AKAP7: variants seen among roughly 807,000 people sequenced by gnomAD.
AKAP7 encodes the protein A kinase (PRKA) anchor protein 7.
In AKAP7, 39 loss-of-function variants were observed where a neutral mutation model predicts 39.5. The ratio of observed to expected loss-of-function variants is 0.99; its 90% CI spans 0.76 to 1.29. AKAP7 has a LOEUF of 1.29. Ranked by LOEUF, AKAP7 falls within the 50% of genes most tolerant of loss-of-function variation. The pLI, the probability that AKAP7 is intolerant of heterozygous loss-of-function variation, is 0.00. For synonymous variants in AKAP7, 140 were observed against 139.1 expected, an observed-to-expected ratio of 1.01 and a Z score of -0.05; for missense variants, 414 against 407.7, an observed-to-expected ratio of 1.02 and a Z score of -0.13.
At chr6:131,195,720 C>T (rs1363021148) in intron 5 of AKAP7, among the ~76,000 whole-genome samples, 2 of 152,060 alleles carry the variant, frequency 1.3e-5, no homozygotes, top group African/African-American at 2.4e-5. Context: ...ATATACTATG[C>T]TAGGGTAAAA....
At chr6:131,225,225 G>T (rs1484911849) in intron 7 of AKAP7, among the ~76,000 whole-genome samples, 1 of 152,040 alleles carries the variant, frequency 6.6e-6, no homozygotes, top group Non-Finnish European at 1.5e-5. Flanking sequence ...GTCTTCTGTG[G>T]CCCTCAATTT....
At chr6:131,222,101 T>C (rs780576184) in intron 7 of AKAP7, among the ~76,000 whole-genome samples, 7 of 152,250 alleles carry the variant, frequency 4.6e-5, no homozygotes, top group Non-Finnish European at 1.0e-4. Flanking sequence ...AGAACACTTA[T>C]GACTCATGGG....
chr6:131,167,764 G>C (rs1200797470), intron 4 of AKAP7, among the ~76,000 whole-genome samples: 7 of 152,096 alleles, frequency 4.6e-5, no homozygotes, highest in African/African-American at 1.7e-4. Flanking sequence ...ATTTTTCAGA[G>C]AAATGAGACT....
At position 131,165,092 on chromosome 6, in the gene AKAP7, A is replaced by T; in HGVS notation, c.303A>T (p.Gly101=). Residue 101 remains glycine, a synonymous_variant, in exon 4 of 8, where the codon GGA becomes GGT. Coordinates refer to ENST00000431975, the MANE Select transcript of AKAP7 (RefSeq NM_016377.4). Reference sequence around the variant, plus strand: ...GTATGTGTTATTAGATTATAAAAGGAATTAAGATCCTGCAGAATGCAATAA... The same window carrying T: ...GTATGTGTTATTAGATTATAAAAGGTATTAAGATCCTGCAGAATGCAATAA... ...IPITNKEIIK[G]IKILQNAIIQ... 6.2e-7 allele frequency: 1 copy of T among 1,606,652 alleles called. No individual in the cohort carries two copies. Among genetic ancestry groups the T allele is most frequent in the Non-Finnish European group, 8.5e-7 (1 of 1,177,376 alleles).
At chr6:131,171,103 G>A (rs1803999915) in intron 5 of AKAP7, among the ~76,000 whole-genome samples, 1 of 151,978 alleles carries the variant, frequency 6.6e-6, no homozygotes, top group Non-Finnish European at 1.5e-5. Flanking sequence ...ACTTGAGTAG[G>A]AAGAATTCAT....
chr6:131,199,561 G>T lies in AKAP7; in HGVS notation c.690G>T (p.Trp230Cys), dbSNP rs1444525758. 8 of 1,603,864 alleles carry T rather than the reference G, an allele frequency of 5.0e-6. No individual in the cohort carries two copies. Among genetic ancestry groups the T allele is most frequent in the Non-Finnish European group, 6.8e-6 (8 of 1,170,944 alleles). ...TCATGAAGTTGTCAAAATCACCGTGGCTCCGTAAGAATGTGAGTGCATGTT... is the reference window on the plus strand; with the variant it reads ...TCATGAAGTTGTCAAAATCACCGTGTCTCCGTAAGAATGTGAGTGCATGTT... Reference protein sequence around the residue: ...LTFMKLSKSPWLRKNGVKKID... With the variant: ...LTFMKLSKSPCLRKNGVKKID... The change falls in exon 6 of 8, where the codon TGG (tryptophan) becomes TGT (cysteine). Residue 230 changes from tryptophan to cysteine, a missense_variant. By Grantham distance (215) the Trp-to-Cys change is radical. Coordinates refer to ENST00000431975, the MANE Select transcript of AKAP7 (RefSeq NM_016377.4).
chr6:131,185,049 A>C, intron 5 of AKAP7: 1 of 723,594 alleles, frequency 1.4e-6, no homozygotes, highest in Admixed American at 1.8e-5. Flanking sequence ...ACTGTTTGTC[A>C]CAGGAAACTT....
rs957824886 is a variant in AKAP7, at chr6:131,171,166, G to GA, written c.589+1903dup. On this transcript the variant is annotated intron_variant, in intron 5 of 7. Transcript: ENST00000431975. The stretch of plus-strand genomic sequence containing the variant: ...AACTAGTACTTGGGATAGAAAACTG[G>GA]AAAAAAAAAAGATCCTTTTCCTTTA... Among the ~76,000 whole-genome samples, 129 of 147,130 alleles carry GA rather than the reference G, an allele frequency of 8.8e-4. 1 individual carries two copies. The highest frequency in any genetic ancestry group is 8.6e-4 in the South Asian group (4 of 4,654).
chr6:131,138,109 AC>A (rs762662546), intron 1 of AKAP7, among the ~76,000 whole-genome samples: 34 of 151,202 alleles, frequency 2.2e-4, no homozygotes, highest in Admixed American at 4.0e-4. Flanking sequence ...TGTTCCCCCC[AC>A]CCGTTCCACC....
chr6:131,215,052 CTG>C (rs1220998216), intron 6 of AKAP7, among the ~76,000 whole-genome samples: 3 of 152,038 alleles, frequency 2.0e-5, no homozygotes, highest in Admixed American at 6.5e-5. Flanking sequence ...AGAACAGTGC[CTG>C]TGCATAGTAA....
At chr6:131,130,537 C>T (rs1244722152), upstream of AKAP7, among the ~76,000 whole-genome samples, 1 of 152,194 alleles carries the variant, frequency 6.6e-6, no homozygotes, top group Non-Finnish European at 1.5e-5. Flanking sequence ...CTCAGGTTGT[C>T]CACCCGCTTC....
intron 5 of AKAP7, among the ~76,000 whole-genome samples, chr6:131,187,277 TTTGTA>T (rs1182076302): frequency 1.2e-4 from 18 of 152,152 alleles, no homozygotes; most frequent in African/African-American, 3.9e-4. Flanking sequence ...TTTTCATTTA[TTTGTA>T]TTTTCTTTAA....
intron 7 of AKAP7, among the ~76,000 whole-genome samples, chr6:131,245,058 A>G (rs1811887124): frequency 6.6e-6 from 1 of 152,114 alleles, no homozygotes; most frequent in Non-Finnish European, 1.5e-5. Flanking sequence ...TTTTGCAGGT[A>G]ATTAAGAACA....
upstream of AKAP7, among the ~76,000 whole-genome samples, chr6:131,133,714 A>G (rs1021074035): frequency 6.6e-6 from 1 of 152,210 alleles, no homozygotes; most frequent in African/African-American, 2.4e-5. Flanking sequence ...AAATTGACAA[A>G]AGACAGATTA....
At chr6:131,175,874 G>T (rs1804523066) in intron 5 of AKAP7, among the ~76,000 whole-genome samples, 1 of 152,062 alleles carries the variant, frequency 6.6e-6, no homozygotes, top group African/African-American at 2.4e-5. Context: ...TAATTCAATT[G>T]TACTTCTCCA....
At chr6:131,279,320 G>C (rs1324340186) in intron 7 of AKAP7, among the ~76,000 whole-genome samples, 2 of 152,162 alleles carry the variant, frequency 1.3e-5, no homozygotes, top group African/African-American at 4.8e-5. Context: ...CCAGGCCGGA[G>C]TGCAGTTGCA....
intron 7 of AKAP7, among the ~76,000 whole-genome samples, chr6:131,236,604 T>C (rs886572745): frequency 6.6e-6 from 1 of 152,206 alleles, no homozygotes; most frequent in African/African-American, 2.4e-5. Flanking sequence ...GTAGTTCTCC[T>C]TGAAGAGGTC....
chr6:131,225,191 C>T (rs1303757519), intron 7 of AKAP7, among the ~76,000 whole-genome samples: 4 of 151,996 alleles, frequency 2.6e-5, no homozygotes, highest in East Asian at 1.9e-4. Context: ...TCTGTGATTC[C>T]TTGGGAATGA....
intron 7 of AKAP7, among the ~76,000 whole-genome samples, chr6:131,223,362 A>T (rs1809871586): frequency 6.6e-6 from 1 of 152,254 alleles, no homozygotes; most frequent in Non-Finnish European, 1.5e-5. Flanking sequence ...GACGTTTATT[A>T]AAGCATTTAA....
Sources: allele counts gnomAD v4.1 joint callset (sites outside exome capture counted in the v4.1 genomes callset), GRCh38; gene constraint gnomAD v4.1.1; transcripts MANE v1.5; gene names NCBI Gene and HGNC (gene_info 2026-07-23, HGNC 2026-07-21).